Variants in ADAM12 observed in about 807,000 individuals in gnomAD.
The protein encoded by ADAM12 is ADAM metallopeptidase domain 12, also known as disintegrin and metalloproteinase domain-containing protein 12.
In ADAM12, 70 loss-of-function variants were observed where a neutral mutation model predicts 106.4. That is an observed-to-expected ratio of 0.66 (90% confidence interval 0.54 to 0.80). ADAM12 has a LOEUF of 0.80. ADAM12 is among the 30% of genes least tolerant of loss of function. The pLI is 0.00. For synonymous variants in ADAM12, 420 were observed against 433.5 expected (o/e 0.97, Z 0.39); for missense variants, 1,010 against 1,171.9 (o/e 0.86, Z 2.02).
intron 21 of ADAM12, among the ~76,000 whole-genome samples, chr10:126,022,233 C>G (rs1317124040): frequency 6.6e-6 from 1 of 152,190 alleles, no homozygotes; most frequent in Non-Finnish European, 1.5e-5. Flanking sequence ...ATCACACTCT[C>G]TCAGGCATGT....
intron 3 of ADAM12, among the ~76,000 whole-genome samples, chr10:126,180,646 T>C (rs369057782): frequency 1.6e-4 from 24 of 152,194 alleles, no homozygotes; most frequent in African/African-American, 5.8e-4. Context: ...GCAGCAGAAG[T>C]GCCCTATTTT....
At chr10:126,041,981 C>G (rs1590323844) in intron 18 of ADAM12, 2 of 1,431,370 alleles carry the variant, frequency 1.4e-6, no homozygotes, top group East Asian at 5.0e-5. Context: ...GGCTGGACTT[C>G]CCCTCCTGAG....
At chr10:126,025,592 C>A (rs1015533305) in intron 21 of ADAM12, among the ~76,000 whole-genome samples, 10 of 152,030 alleles carry the variant, frequency 6.6e-5, no homozygotes, top group African/African-American at 2.4e-4. Flanking sequence ...ACGGGCAGAA[C>A]AGAGCCCCCC....
chr10:126,346,808 G>C (rs1310227233), intron 1 of ADAM12, among the ~76,000 whole-genome samples: 2 of 152,012 alleles, frequency 1.3e-5, no homozygotes, highest in African/African-American at 4.8e-5. Flanking sequence ...ATCTTTCTTG[G>C]TTTAAAGTCT....
chr10:126,247,665 TA>T (rs1450429944), intron 3 of ADAM12, among the ~76,000 whole-genome samples: 4 of 152,208 alleles, frequency 2.6e-5, no homozygotes, highest in Non-Finnish European at 5.9e-5. Context: ...ATCTTGAGAC[TA>T]AGTCACCAAC....
intron 14 of ADAM12, among the ~76,000 whole-genome samples, chr10:126,054,705 C>T (rs1234960384): frequency 6.6e-6 from 1 of 152,166 alleles, no homozygotes. Flanking sequence ...GTTCTGTCCC[C>T]TCATCTGTAA....
At chr10:126,052,367 G>C (rs1464523433) in intron 14 of ADAM12, among the ~76,000 whole-genome samples, 1 of 152,224 alleles carries the variant, frequency 6.6e-6, no homozygotes, top group Non-Finnish European at 1.5e-5. Flanking sequence ...CTAGGAAATG[G>C]GTGGGTGGAG....
chr10:126,306,896 T>C (rs1960868972), intron 2 of ADAM12, among the ~76,000 whole-genome samples: 1 of 152,204 alleles, frequency 6.6e-6, no homozygotes, highest in Non-Finnish European at 1.5e-5. Flanking sequence ...TATAATTAAC[T>C]ATTAGTCATA....
intron 3 of ADAM12, among the ~76,000 whole-genome samples, chr10:126,209,180 C>T (rs927721072): frequency 6.6e-6 from 1 of 152,208 alleles, no homozygotes; most frequent in African/African-American, 2.4e-5. Context: ...CTTCTAATTG[C>T]TTCTTATGGC....
At chr10:126,367,718 A>T (rs1855960927) in intron 1 of ADAM12, among the ~76,000 whole-genome samples, 3 of 152,036 alleles carry the variant, frequency 2.0e-5, no homozygotes, top group African/African-American at 7.2e-5. Flanking sequence ...GTCATTACAG[A>T]TAATACAGGC....
At chr10:126,089,620 G>A (rs1243154452) in intron 11 of ADAM12, among the ~76,000 whole-genome samples, 5 of 152,118 alleles carry the variant, frequency 3.3e-5, no homozygotes, top group Non-Finnish European at 5.9e-5. Context: ...ATGATGTCCC[G>A]CTGCTCTGCA....
At chr10:126,359,745 T>G (rs2133900965) in intron 1 of ADAM12, among the ~76,000 whole-genome samples, 1 of 152,310 alleles carries the variant, frequency 6.6e-6, no homozygotes, top group South Asian at 2.1e-4. Context: ...TGTCAGTGGA[T>G]CTACCATTCT....
intron 3 of ADAM12, among the ~76,000 whole-genome samples, chr10:126,242,252 T>C (rs918338809): frequency 6.6e-6 from 1 of 152,206 alleles, no homozygotes; most frequent in African/African-American, 2.4e-5. Context: ...CCAGACTCTG[T>C]CAAGTTGTAA....
intron 21 of ADAM12, among the ~76,000 whole-genome samples, chr10:126,027,740 CCCA>C (rs1953901378): frequency 6.6e-6 from 1 of 152,148 alleles, no homozygotes; most frequent in Non-Finnish European, 1.5e-5. Flanking sequence ...CTATGACAAA[CCCA>C]CAGCTAATAT....
rs1854469444 is a variant in ADAM12 at position 126,330,442 on chromosome 10, G to A, written c.156C>T (p.Leu52=). Reference sequence around the variant, plus strand: ...AGTCGAAGCTCTTCACTGGGATCCAGAGGTCCCCACTCCCAACAGAGGCAC... The same window carrying A: ...AGTCGAAGCTCTTCACTGGGATCCAAAGGTCCCCACTCCCAACAGAGGCAC... ...VVSASVGSGD[L]WIPVKSFDSK... is the part of the protein sequence containing the mutation. The change falls in exon 2 of 23, where the codon CTC becomes CTT. Residue 52 remains leucine (L), a synonymous_variant. Coordinates refer to ENST00000448723, the MANE Select transcript of ADAM12 (RefSeq NM_001288973.2). 6.2e-7 allele frequency: 1 copy of A among 1,613,878 alleles called. No homozygotes were observed. Among genetic ancestry groups the A allele is most frequent in the Non-Finnish European group, 8.5e-7 (1 of 1,179,932 alleles).
At chr10:126,376,724 T>C (rs1205195512) in intron 1 of ADAM12, among the ~76,000 whole-genome samples, 1 of 152,186 alleles carries the variant, frequency 6.6e-6, no homozygotes. Flanking sequence ...CAAGTCCCCA[T>C]ACAGTATTTT....
At chr10:126,057,543 C>T (rs754726724) in intron 14 of ADAM12, among the ~76,000 whole-genome samples, 3 of 152,054 alleles carry the variant, frequency 2.0e-5, no homozygotes, top group Admixed American at 6.5e-5. Context: ...CTTCTAAGGA[C>T]GCAGCGGCCG....
intron 1 of ADAM12, among the ~76,000 whole-genome samples, chr10:126,332,349 G>A (rs973760774): frequency 8.5e-5 from 13 of 152,150 alleles, no homozygotes; most frequent in African/African-American, 2.7e-4. Flanking sequence ...TCTCCGTCCT[G>A]TGCATTTCAG....
intron 9 of ADAM12, among the ~76,000 whole-genome samples, chr10:126,099,861 C>T (rs570916417): frequency 6.6e-6 from 1 of 152,328 alleles, no homozygotes; most frequent in East Asian, 1.9e-4. Flanking sequence ...CAGAAGCTTT[C>T]CTTTCTGTGC....
Sources: gnomAD v4.1 joint callset for allele counts (sites outside exome capture counted in the v4.1 genomes callset) on GRCh38, gnomAD v4.1.1 for gene constraint, MANE v1.5 for transcripts, NCBI Gene and HGNC (gene_info 2026-07-23, HGNC 2026-07-21) for gene names.